Variants in IFT81 observed in about 807,000 individuals in gnomAD.
IFT81 encodes the protein intraflagellar transport 81, also known as intraflagellar transport protein 81 homolog.
A neutral mutation model predicts 102.6 loss-of-function variants in IFT81; 72 were observed. The observed-to-expected ratio is 0.70, with a 90% CI of 0.58 to 0.85. The LOEUF is 0.85. Among genes scored for constraint, IFT81 ranks in the 40% least tolerant of loss-of-function variants. IFT81 has a pLI of 0.00. For synonymous variants in IFT81, 237 were observed against 242.7 expected (o/e 0.98, Z 0.22); for missense variants, 723 against 787.3 (o/e 0.92, Z 0.98).
intron 14 of IFT81, 48 bp from the exon 15 acceptor site, chr12:110,203,816 G>T (rs1445456430): frequency 2.4e-6 from 3 of 1,247,290 alleles, no homozygotes; most frequent in South Asian, 1.2e-5. Context: ...AGCCATGTTT[G>T]GGACCTTTGT....
At chr12:110,149,785 G>T (rs114410917) in intron 10 of IFT81, among the ~76,000 whole-genome samples, 15 of 152,244 alleles carry the variant, frequency 9.9e-5, no homozygotes, top group African/African-American at 3.6e-4. Context: ...GTGTCTCTAG[G>T]TATCAAGCCA....
At chr12:110,211,175 CTTT>C (rs796140785) in intron 18 of IFT81, among the ~76,000 whole-genome samples, 1 of 102,196 alleles carries the variant, frequency 9.8e-6, no homozygotes, top group African/African-American at 3.6e-5. Flanking sequence ...ATTAGGCTTT[CTTT>C]TTTTTTTTTT....
intron 18 of IFT81, among the ~76,000 whole-genome samples, chr12:110,217,355 A>G (rs1870267953): frequency 1.3e-5 from 2 of 151,528 alleles, no homozygotes; most frequent in South Asian, 4.2e-4. Flanking sequence ...TATTAACCTT[A>G]ATTGATAATT....
In IFT81 at chr12:110,135,414, C is replaced by T. The variant is rs1259969339; in HGVS notation, c.673C>T (p.Gln225Ter). ...AGAGAGAGAAGAATATCTTGCACAACAGAAACAGGAACAAAAGAATCAGGT... is the reference window on the plus strand; with the variant it reads ...AGAGAGAGAAGAATATCTTGCACAATAGAAACAGGAACAAAAGAATCAGGT... ...EKEREEYLAQ[Q>*]KQEQKNQLFH... The change falls in exon 7 of 19, where the codon CAG (glutamine) becomes TAG (stop). Residue 225 changes from glutamine to a stop codon, truncating the protein, a stop_gained. Coordinates refer to ENST00000242591, the MANE Select transcript of IFT81 (RefSeq NM_014055.4). LOFTEE classifies it high-confidence loss of function. 3 of 1,607,770 alleles carry T rather than the reference C, an allele frequency of 1.9e-6. No homozygotes were observed. Among genetic ancestry groups the T allele is most frequent in the African/African-American group, 2.7e-5 (2 of 74,616 alleles).
chr12:110,214,409 A>T (rs1869831626), intron 18 of IFT81, among the ~76,000 whole-genome samples: 1 of 152,062 alleles, frequency 6.6e-6, no homozygotes, highest in Non-Finnish European at 1.5e-5. Context: ...TCTAGAGTAG[A>T]TCTAAATTTT....
Position 110,139,869 on chromosome 12 carries a change from A to T in IFT81, c.781+3009A>T, listed in dbSNP as rs1052618312. Among the ~76,000 whole-genome samples the T allele has an allele frequency of 4.3e-4, 59 of 136,738 alleles. No homozygotes were observed. In the East Asian group the frequency reaches 0.01, roughly 24 times the overall value. The allele number at this position is 136,738 out of a possible 152,430, so 89.7% of individuals were successfully genotyped here. ...AAATAAATAAAATAAAATAAAATATAAAATAAAATAAAATAAAATAAAATA... is the reference window on the plus strand; with the variant it reads ...AAATAAATAAAATAAAATAAAATATTAAATAAAATAAAATAAAATAAAATA... On this transcript the variant is annotated intron_variant, in intron 8 of 18. Transcript: ENST00000242591.
chr12:110,180,380 ACTT>A, intron 11 of IFT81, 39 bp from the exon 12 acceptor site: 3 of 1,332,252 alleles, frequency 2.3e-6, no homozygotes, highest in South Asian at 1.3e-5. Flanking sequence ...TTTAGCTACT[ACTT>A]TTCTACTCAT....
At chr12:110,163,129 GT>G (rs1765277034) in intron 11 of IFT81, 64 bp downstream of exon 11, 5 of 1,334,000 alleles carry the variant, frequency 3.7e-6, no homozygotes, top group Non-Finnish European at 5.2e-6. Flanking sequence ...CTATTAGTGT[GT>G]TTGACTTTCT....
At chr12:110,211,144 G>A (rs1259278285) in intron 18 of IFT81, among the ~76,000 whole-genome samples, 2 of 147,792 alleles carry the variant, frequency 1.4e-5, no homozygotes, top group African/African-American at 2.5e-5. Context: ...ACAGGCACGA[G>A]CCACGACACC....
chr12:110,125,145 A>G (rs1893753458), intron 1 of IFT81, among the ~76,000 whole-genome samples: 1 of 152,164 alleles, frequency 6.6e-6, no homozygotes, highest in South Asian at 2.1e-4. Flanking sequence ...AAAATGAAAT[A>G]CATATTTCTG....
At chr12:110,128,916 C>T (rs756314508) in intron 3 of IFT81, 34 bp from the exon 4 acceptor site, 2 of 1,533,920 alleles carry the variant, frequency 1.3e-6, no homozygotes, top group Non-Finnish European at 1.8e-6. Context: ...CCGTTAAGTG[C>T]GTGTGTGTTT....
At position 110,128,149 on chromosome 12, in the gene IFT81, T is replaced by G; in HGVS notation, c.248T>G (p.Met83Arg). 1 of 1,566,948 alleles carries G rather than the reference T, an allele frequency of 6.4e-7. No individual in the cohort carries two copies. Among genetic ancestry groups the G allele is most frequent in the Non-Finnish European group, 8.8e-7 (1 of 1,137,194 alleles). ...AAACCTTCAGGAAATGCCACAGATA[T>G]GTAAGAATCTGATCACGTATTGAGT... ...KYKPSGNATDMSTFRQGLVIG... is the reference protein window; with the variant it reads ...KYKPSGNATDRSTFRQGLVIG... The change falls in exon 3 of 19, where the codon ATG becomes AGG. Residue 83 changes from methionine to arginine, a missense_variant and splice_region_variant. Physicochemically the swap from Met to Arg is moderately conservative, Grantham distance 91. Transcript: ENST00000242591.
intron 18 of IFT81, among the ~76,000 whole-genome samples, chr12:110,211,578 A>T (rs1205847743): frequency 1.3e-5 from 2 of 151,830 alleles, no homozygotes; most frequent in East Asian, 3.9e-4. Context: ...AAAACATACC[A>T]TATTCCTCCG....
At chr12:110,184,630 C>G (rs1209348806) in intron 12 of IFT81, among the ~76,000 whole-genome samples, 1 of 152,128 alleles carries the variant, frequency 6.6e-6, no homozygotes, top group Non-Finnish European at 1.5e-5. Context: ...GCAGGGAAAG[C>G]CTTCAGGCTC....
chr12:110,210,818 G>T (rs945388549), intron 18 of IFT81, among the ~76,000 whole-genome samples: 1 of 151,584 alleles, frequency 6.6e-6, no homozygotes, highest in Non-Finnish European at 1.5e-5. Flanking sequence ...AATAACAATT[G>T]GATGTTAACA....
chr12:110,133,111 C>T (rs1009402177), intron 5 of IFT81, among the ~76,000 whole-genome samples: 8 of 151,486 alleles, frequency 5.3e-5, no homozygotes, highest in African/African-American at 1.7e-4. Context: ...GCTGGGACTA[C>T]AGGCATGCGC....
chr12:110,186,941 GTTTTTC>G (rs1366072342), intron 12 of IFT81, among the ~76,000 whole-genome samples: 3 of 151,486 alleles, frequency 2.0e-5, no homozygotes, highest in South Asian at 2.1e-4. Flanking sequence ...TGGGCTTTGT[GTTTTTC>G]TTTTTCTTTT....
At chr12:110,192,884 A>G (rs1382351211) in intron 14 of IFT81, among the ~76,000 whole-genome samples, 178 bp downstream of exon 14, 1 of 152,164 alleles carries the variant, frequency 6.6e-6, no homozygotes, top group East Asian at 1.9e-4. Context: ...CATACAGGCC[A>G]GGTGTGGTGG....
chr12:110,217,335 A>G (rs1870263715), intron 18 of IFT81, among the ~76,000 whole-genome samples: 1 of 151,796 alleles, frequency 6.6e-6, no homozygotes, highest in South Asian at 2.1e-4. Flanking sequence ...GTGAGCCACC[A>G]TGCCTGGTCT....
Sources: allele counts gnomAD v4.1 joint callset (sites outside exome capture counted in the v4.1 genomes callset), GRCh38; gene constraint gnomAD v4.1.1; transcripts MANE v1.5; gene names NCBI Gene and HGNC (gene_info 2026-07-23, HGNC 2026-07-21).